The following OSBPL10 variants were observed in gnomAD, a reference collection of about 807,000 sequenced individuals.
The protein encoded by OSBPL10 is oxysterol binding protein like 10, also known as oxysterol-binding protein-related protein 10.
A neutral mutation model predicts 81.7 loss-of-function variants in OSBPL10; 49 were observed. That is an observed-to-expected ratio of 0.60 (90% CI 0.48 to 0.76). The LOEUF (loss-of-function observed/expected upper bound fraction) is 0.76. Ranked by LOEUF, OSBPL10 falls within the 30% of genes least tolerant of loss-of-function variation. The probability of loss-of-function intolerance (pLI) is 0.00; values close to 1 mark genes in which losing one functional copy is unlikely to be tolerated. For missense variants in OSBPL10, 923 were observed against 987.8 expected (o/e 0.93, Z 0.88); for synonymous variants, 419 against 383.6 (o/e 1.09, Z -1.08).
chr3:31,793,808 T>C (rs1425556646), intron 4 of OSBPL10, among the ~76,000 whole-genome samples: 1 of 152,234 alleles, frequency 6.6e-6, no homozygotes. Context: ...TTGGCCCTTC[T>C]TATCTGTGAA....
chr3:32,025,437 A>C (rs72855533), intron 2 of OSBPL10, among the ~76,000 whole-genome samples: 5,936 of 152,142 alleles, frequency 0.039, 160 homozygotes, highest in East Asian at 0.098. Flanking sequence ...TTTGGGGCCT[A>C]TGTTCATGAG....
chr3:31,680,672 C>T (rs974628917), intron 8 of OSBPL10, among the ~76,000 whole-genome samples: 14 of 152,188 alleles, frequency 9.2e-5, no homozygotes, highest in African/African-American at 3.4e-4. Context: ...TGGAGATACT[C>T]GGGCTGGAGT....
chr3:31,770,903 C>T (rs900929260), intron 4 of OSBPL10, among the ~76,000 whole-genome samples: 1 of 152,176 alleles, frequency 6.6e-6, no homozygotes, highest in Non-Finnish European at 1.5e-5. Flanking sequence ...GTCGAGGGAG[C>T]ACCCCATTCT....
intron 1 of OSBPL10, among the ~76,000 whole-genome samples, chr3:32,077,212 G>A (rs552174197): frequency 6.6e-6 from 1 of 152,274 alleles, no homozygotes; most frequent in African/African-American, 2.4e-5. Flanking sequence ...GAAGCAAGAT[G>A]GAATTGGTTA....
chr3:31,671,058 T>C (rs1700312246), intron 8 of OSBPL10, 75 bp from the exon 9 acceptor site: 7 of 1,397,776 alleles, frequency 5.0e-6, no homozygotes, highest in Non-Finnish European at 5.8e-6. Flanking sequence ...GAAATGAAGA[T>C]GGGAAACCAA....
rs76711922 is a variant in OSBPL10, at chr3:31,938,889, T to C, written c.281+42010A>G. Among the ~76,000 whole-genome samples the C allele has an allele frequency of 3.8e-3, 574 of 152,232 alleles. 2 individuals carry two copies. The highest frequency in any genetic ancestry group is 0.013 in the African/African-American group (548 of 41,550). On this transcript the variant is annotated intron_variant, in intron 1 of 11. Transcript: ENST00000396556. Reference sequence around the variant, plus strand: ...ACTCTCAGACGATAACCTCACCTCCTACTTTACAGAGAGTAAAGCAAGAAC... The same window carrying C: ...ACTCTCAGACGATAACCTCACCTCCCACTTTACAGAGAGTAAAGCAAGAAC...
At chr3:32,013,873 C>T (rs927878727) in intron 2 of OSBPL10, among the ~76,000 whole-genome samples, 1 of 152,178 alleles carries the variant, frequency 6.6e-6, no homozygotes, top group African/African-American at 2.4e-5. Flanking sequence ...TCGACACATA[C>T]ACCCTCCCAA....
chr3:31,752,373 G>A (rs988521576), intron 4 of OSBPL10, among the ~76,000 whole-genome samples: 1 of 152,168 alleles, frequency 6.6e-6, no homozygotes. Flanking sequence ...TCATGATGTT[G>A]TAACATGGGC....
At chr3:31,739,478 G>A (rs1257150264) in intron 5 of OSBPL10, among the ~76,000 whole-genome samples, 3 of 152,012 alleles carry the variant, frequency 2.0e-5, no homozygotes, top group South Asian at 2.1e-4. Context: ...TTTGAAAAAG[G>A]GCCTTCACAT....
chr3:31,970,411 C>CA (rs1378198478), intron 1 of OSBPL10, among the ~76,000 whole-genome samples: 1 of 152,196 alleles, frequency 6.6e-6, no homozygotes, highest in East Asian at 1.9e-4. Context: ...TTTTGGCCAG[C>CA]ATGTCTATAT....
At chr3:31,895,134 CTTTT>C (rs10529845) in intron 1 of OSBPL10, among the ~76,000 whole-genome samples, 7 of 124,882 alleles carry the variant, frequency 5.6e-5, no homozygotes, top group African/African-American at 6.3e-5. Flanking sequence ...TCTCTGCGGC[CTTTT>C]TTTTTTTTTT....
intron 3 of OSBPL10, among the ~76,000 whole-genome samples, chr3:31,874,385 C>A (rs536759579): frequency 6.6e-5 from 10 of 152,074 alleles, no homozygotes; most frequent in Non-Finnish European, 1.5e-4. Flanking sequence ...AACTTGACTG[C>A]AAAAACTTAA....
intron 1 of OSBPL10, among the ~76,000 whole-genome samples, chr3:31,907,667 C>T (rs1696450563): frequency 7.0e-6 from 1 of 143,330 alleles, no homozygotes; most frequent in African/African-American, 2.6e-5. Flanking sequence ...GTGATCTCTC[C>T]ATTGTCTCAT....
At position 31,814,044 on chromosome 3, in the gene OSBPL10, C is replaced by G. The variant is rs562419132; in HGVS notation, c.729+15996G>C. On this transcript the variant is annotated intron_variant, in intron 4 of 11. Transcript: ENST00000396556. ...AGCCTGGCCCTGTCCACCAACCTAT[C>G]CTTACAGCCTCTCTCCTCCTAGGGC... Among the ~76,000 whole-genome samples the G allele has an allele frequency of 3.3e-5, 5 of 152,288 alleles. 1 individual carries two copies. In the South Asian group the frequency reaches 1.0e-3, roughly 32 times the overall value.
intron 1 of OSBPL10, among the ~76,000 whole-genome samples, chr3:32,075,009 C>T (rs146727059): frequency 2.6e-5 from 4 of 152,328 alleles, no homozygotes; most frequent in African/African-American, 4.8e-5. Flanking sequence ...GACGCCAACA[C>T]GACCAAAAAG....
intron 11 of OSBPL10, 30 bp from the exon 12 acceptor site, chr3:31,662,146 A>G (rs2125492141): frequency 6.2e-7 from 1 of 1,613,880 alleles, no homozygotes; most frequent in Non-Finnish European, 8.5e-7. Context: ...GCATTATTAC[A>G]TGGAGACCTC....
intron 5 of OSBPL10, among the ~76,000 whole-genome samples, chr3:31,738,094 G>C (rs1439751472): frequency 6.6e-6 from 1 of 151,928 alleles, no homozygotes; most frequent in African/African-American, 2.4e-5. Context: ...CCAAATCAAT[G>C]GATAGACAAA....
intron 1 of OSBPL10, among the ~76,000 whole-genome samples, chr3:31,942,442 G>A (rs1429318022): frequency 2.0e-5 from 2 of 101,552 alleles, no homozygotes; most frequent in Admixed American, 1.8e-4. Flanking sequence ...GGCTGAGAGA[G>A]GAGAATCCTT....
chr3:31,772,650 G>A (rs1489541983), intron 4 of OSBPL10, among the ~76,000 whole-genome samples: 3 of 152,024 alleles, frequency 2.0e-5, no homozygotes, highest in Admixed American at 1.3e-4. Flanking sequence ...GGTCATCTCC[G>A]CATGAAGCTG....
Sources: gnomAD v4.1 joint callset for allele counts (sites outside exome capture counted in the v4.1 genomes callset) on GRCh38, gnomAD v4.1.1 for gene constraint, MANE v1.5 for transcripts, NCBI Gene and HGNC (gene_info 2026-07-23, HGNC 2026-07-21) for gene names.